Variants in ZNF385D observed in about 807,000 individuals in gnomAD.
The protein encoded by ZNF385D is zinc finger protein 659.
Under a neutral mutation model 35.8 loss-of-function variants are expected in ZNF385D, and 15 were observed. The observed-to-expected ratio is 0.42, with a 90% CI of 0.28 to 0.64. The LOEUF is 0.64. ZNF385D is among the 30% of genes least tolerant of loss of function. The probability of loss-of-function intolerance (pLI) is 0.23; values close to 1 mark genes in which losing one functional copy is unlikely to be tolerated. For synonymous variants in ZNF385D, 212 were observed against 186.8 expected (o/e 1.13, Z -1.10); for missense variants, 474 against 494.6 (o/e 0.96, Z 0.39).
intron 2 of ZNF385D, among the ~76,000 whole-genome samples, chr3:22,371,878 C>T (rs867286443): frequency 1.3e-5 from 2 of 152,106 alleles, no homozygotes; most frequent in Non-Finnish European, 2.9e-5. Flanking sequence ...AGCTTCTCAT[C>T]CTGCCCTCAA....
intron 2 of ZNF385D, among the ~76,000 whole-genome samples, chr3:22,276,983 T>C (rs1240077333): frequency 6.6e-6 from 1 of 152,138 alleles, no homozygotes; most frequent in Admixed American, 6.6e-5. Context: ...TGGTTGGTAA[T>C]GAAGAACAGA....
intron 3 of ZNF385D, among the ~76,000 whole-genome samples, chr3:22,082,165 C>T (rs1320622206): frequency 2.0e-5 from 3 of 152,052 alleles, no homozygotes; most frequent in African/African-American, 7.2e-5. Context: ...TCTGCATTTC[C>T]AATTGAGGCA....
At chr3:21,924,529 C>T (rs1477836120) in intron 3 of ZNF385D, among the ~76,000 whole-genome samples, 2 of 152,194 alleles carry the variant, frequency 1.3e-5, no homozygotes, top group Admixed American at 6.5e-5. Context: ...GGCCCCAACA[C>T]CATCCATGCC....
Position 21,417,340 on chromosome 3 carries a change from G to C in ZNF385D, c.*3874C>G, listed in dbSNP as rs1289975770. On this transcript the variant is annotated 3_prime_UTR_variant, in exon 8 of 8. Transcript: ENST00000281523. ...CTATTTAAGTTACCCTGTTGGTCAGGGACAAAGTCTACAATAGACTCTGGC... is the reference window on the plus strand; with the variant it reads ...CTATTTAAGTTACCCTGTTGGTCAGCGACAAAGTCTACAATAGACTCTGGC... 1 of 151,968 alleles carries C rather than the reference G, an allele frequency of 6.6e-6. No homozygotes were observed. The highest frequency in any genetic ancestry group is 1.5e-5 in the Non-Finnish European group (1 of 67,958). 9.4% of individuals were successfully genotyped at this position (151,968 alleles called of 1,614,324 possible). A position where few individuals can be genotyped will look rare whatever the true frequency, so the allele number is the denominator to read the frequency against.
upstream of ZNF385D, among the ~76,000 whole-genome samples, chr3:21,753,130 C>T (rs1473056367): frequency 6.6e-6 from 1 of 152,154 alleles, no homozygotes; most frequent in Non-Finnish European, 1.5e-5. Context: ...GGCACTTTCA[C>T]ATGTCATCTT....
At chr3:21,982,673 G>T (rs1243216873) in intron 3 of ZNF385D, among the ~76,000 whole-genome samples, 1 of 152,072 alleles carries the variant, frequency 6.6e-6, no homozygotes, top group Non-Finnish European at 1.5e-5. Flanking sequence ...GTATTCAAGG[G>T]GAATACTGCT....
intron 2 of ZNF385D, among the ~76,000 whole-genome samples, chr3:22,214,207 G>C (rs1697707436): frequency 6.6e-6 from 1 of 152,060 alleles, no homozygotes; most frequent in Non-Finnish European, 1.5e-5. Context: ...AACATAAATT[G>C]TGAAGATTTC....
intron 2 of ZNF385D, among the ~76,000 whole-genome samples, chr3:21,619,576 C>T (rs1559465046): frequency 6.6e-6 from 1 of 152,096 alleles, no homozygotes; most frequent in Non-Finnish European, 1.5e-5. Context: ...ACATTATTCT[C>T]CTGTTTAACA....
intron 2 of ZNF385D, among the ~76,000 whole-genome samples, chr3:21,631,532 T>G (rs929821980): frequency 2.0e-5 from 3 of 152,068 alleles, no homozygotes; most frequent in Non-Finnish European, 4.4e-5. Context: ...ATAGATAACA[T>G]TTTCTTCTCT....
At chr3:22,192,582 T>A (rs891952584) in intron 2 of ZNF385D, among the ~76,000 whole-genome samples, 1 of 152,166 alleles carries the variant, frequency 6.6e-6, no homozygotes, top group Non-Finnish European at 1.5e-5. Flanking sequence ...GCCATGTGTG[T>A]GAACTACCAT....
chr3:21,835,491 T>C (rs139795915), intron 3 of ZNF385D, among the ~76,000 whole-genome samples: 192 of 150,244 alleles, frequency 1.3e-3, no homozygotes, highest in African/African-American at 4.4e-3. Context: ...ACACATGTGA[T>C]TCACAGGGTG....
intron 3 of ZNF385D, among the ~76,000 whole-genome samples, chr3:21,765,787 A>C (rs2070806307): frequency 6.6e-6 from 1 of 152,046 alleles, no homozygotes; most frequent in Admixed American, 6.6e-5. Flanking sequence ...ACAGAAAGGA[A>C]CATCTTACAT....
At chr3:21,763,535 G>A (rs2070708023) in intron 3 of ZNF385D, among the ~76,000 whole-genome samples, 5 of 152,132 alleles carry the variant, frequency 3.3e-5, no homozygotes, top group South Asian at 2.1e-4. Context: ...AATGAATATC[G>A]TGTGCTTTAG....
chr3:21,944,626 G>C (rs185069058), intron 3 of ZNF385D, among the ~76,000 whole-genome samples: 38 of 152,294 alleles, frequency 2.5e-4, no homozygotes, highest in African/African-American at 7.9e-4. Flanking sequence ...TTTCAAAGCA[G>C]TTCAGCTGAA....
At chr3:21,885,540 G>C (rs573057124) in intron 3 of ZNF385D, among the ~76,000 whole-genome samples, 1 of 152,068 alleles carries the variant, frequency 6.6e-6, no homozygotes, top group South Asian at 2.1e-4. Context: ...ATTGCAATCA[G>C]AGATCAGCTA....
At chr3:22,137,303 C>G (rs150524208) in intron 3 of ZNF385D, among the ~76,000 whole-genome samples, 2,285 of 152,222 alleles carry the variant, frequency 0.015, 20 homozygotes, top group Non-Finnish European at 0.025. Flanking sequence ...ACGAGGGAAT[C>G]CTCCCTAACT....
chr3:22,157,668 T>C (rs1705681826), intron 3 of ZNF385D, among the ~76,000 whole-genome samples: 1 of 152,186 alleles, frequency 6.6e-6, no homozygotes, highest in Non-Finnish European at 1.5e-5. Context: ...TAACTTTTTA[T>C]ACTTCTACTG....
At chr3:22,164,216 CTTTTTTTTTT>C (rs571978176) in intron 3 of ZNF385D, among the ~76,000 whole-genome samples, 3,705 of 74,838 alleles carry the variant, frequency 0.05, 74 homozygotes, top group South Asian at 0.11. Flanking sequence ...AAAAGGAGCA[CTTTTTTTTTT>C]TTTTTTTTTT....
chr3:21,811,770 G>C (rs1038293714), intron 3 of ZNF385D, among the ~76,000 whole-genome samples: 2 of 152,208 alleles, frequency 1.3e-5, no homozygotes, highest in Non-Finnish European at 2.9e-5. Context: ...GAGAAGAGGA[G>C]AACAGCACCA....
Sources: allele counts gnomAD v4.1 joint callset (sites outside exome capture counted in the v4.1 genomes callset), GRCh38; gene constraint gnomAD v4.1.1; transcripts MANE v1.5; gene names NCBI Gene and HGNC (gene_info 2026-07-23, HGNC 2026-07-21).